Variants in ADARB2 observed in about 807,000 individuals in gnomAD.
The protein encoded by ADARB2 is adenosine deaminase RNA specific B2 (inactive).
Under a neutral mutation model 62.2 loss-of-function variants are expected in ADARB2, and 25 were observed. That is an observed-to-expected ratio of 0.40 (90% CI 0.29 to 0.56). The LOEUF is 0.56. ADARB2 is among the 20% of genes least tolerant of loss of function. The pLI is 0.43. For synonymous variants in ADARB2, 572 were observed against 500.8 expected (o/e 1.14, Z -1.90); for missense variants, 1,071 against 1,077.4 (o/e 0.99, Z 0.08).
rs181570887 is a variant in ADARB2 at position 1,422,288 on chromosome 10, G to A, written c.101-43128C>T. Among the ~76,000 whole-genome samples the A allele has an allele frequency of 2.7e-3, 417 of 152,344 alleles. 3 individuals are homozygous for A. Among genetic ancestry groups the A allele is most frequent in the Middle Eastern group, 0.027 (8 of 294 alleles). ...TCCTGGAAGACTTAATATAAGGTCA[G>A]GAGTTTTCAGTGCTCTGATTCGGTA... On this transcript the variant is annotated intron_variant, in intron 1 of 9. Transcript: ENST00000381312.
intron 2 of ADARB2, among the ~76,000 whole-genome samples, chr10:1,378,652 G>A (rs1329521721): frequency 6.6e-6 from 1 of 152,102 alleles, no homozygotes; most frequent in Non-Finnish European, 1.5e-5. Flanking sequence ...TGAGACTGCA[G>A]GTGTGGGTAA....
rs547148913 is a variant in ADARB2, at chr10:1,225,512, G to T, written c.1513+8182C>A. The stretch of plus-strand genomic sequence containing the variant: ...ATGCAGTTTCTTCCTAGCCTTGATG[G>T]TGTTTACAATTTGGCATGTTTTTGC... On this transcript the variant is annotated intron_variant, in intron 6 of 9. Coordinates refer to ENST00000381312, the MANE Select transcript of ADARB2 (RefSeq NM_018702.4). 6.7e-3 allele frequency among the ~76,000 whole-genome samples: 1,024 copies of T among 152,302 alleles called. 3 individuals carry two copies. The highest frequency in any genetic ancestry group is 0.011 in the Non-Finnish European group (765 of 68,026).
At chr10:1,217,156 G>A (rs1197472659) in intron 6 of ADARB2, 37 bp from the exon 7 acceptor site, 1 of 1,517,502 alleles carries the variant, frequency 6.6e-7, no homozygotes, top group East Asian at 2.5e-5. Flanking sequence ...TGAGAAGAGG[G>A]AAGCCGCCTT....
chr10:1,243,514 G>C (rs1378716210), intron 4 of ADARB2, among the ~76,000 whole-genome samples: 3 of 152,226 alleles, frequency 2.0e-5, no homozygotes, highest in African/African-American at 7.2e-5. Flanking sequence ...TTGTTCCTCT[G>C]ATGTGACTTT....
chr10:1,420,701 C>T (rs1032146556), intron 1 of ADARB2, among the ~76,000 whole-genome samples: 1 of 151,956 alleles, frequency 6.6e-6, no homozygotes, highest in South Asian at 2.1e-4. Context: ...GAGAGGGAGC[C>T]GCTGCCTGCC....
intron 3 of ADARB2, among the ~76,000 whole-genome samples, chr10:1,347,973 C>CGGAGACAGAGAGATACTGAGAGAG (rs1832096365): frequency 6.6e-6 from 1 of 151,250 alleles, no homozygotes; most frequent in Non-Finnish European, 1.5e-5. Flanking sequence ...CAGACAGAGA[C>CGGAGACAGAGAGATACTGAGAGAG]GGAGACAGAG....
intron 1 of ADARB2, among the ~76,000 whole-genome samples, chr10:1,715,814 G>T (rs956559574): frequency 2.0e-5 from 3 of 152,252 alleles, no homozygotes; most frequent in Non-Finnish European, 4.4e-5. Context: ...AGCACAGTTA[G>T]GCAATGGCCT....
rs191645134 is a variant in ADARB2 at position 1,623,112 on chromosome 10, C to T, written c.100+113939G>A. ...CATGATTCTATTTATACAAAATCTC[C>T]AAAAGAGGAAAATATTTAGAGATGG... On this transcript the variant is annotated intron_variant, in intron 1 of 9. Transcript: ENST00000381312. 4.9e-4 allele frequency among the ~76,000 whole-genome samples: 75 copies of T among 152,224 alleles called. 1 individual carries two copies. The highest frequency in any genetic ancestry group is 3.4e-3 in the Middle Eastern group (1 of 294).
intron 1 of ADARB2, among the ~76,000 whole-genome samples, chr10:1,649,687 G>T (rs1834087040): frequency 6.6e-6 from 1 of 152,202 alleles, no homozygotes; most frequent in South Asian, 2.1e-4. Flanking sequence ...ATGCCCCTGG[G>T]CCAGCCAGGG....
chr10:1,245,155 C>T (rs947831356), intron 4 of ADARB2, among the ~76,000 whole-genome samples: 3 of 151,942 alleles, frequency 2.0e-5, no homozygotes, highest in African/African-American at 7.3e-5. Flanking sequence ...TTAGGAAGCA[C>T]CCTCAGGAGT....
chr10:1,461,415 G>A (rs1197478992), intron 1 of ADARB2, among the ~76,000 whole-genome samples: 3 of 152,118 alleles, frequency 2.0e-5, no homozygotes, highest in Admixed American at 2.0e-4. Context: ...AATCTGACTC[G>A]TAATCCTTTT....
intron 1 of ADARB2, among the ~76,000 whole-genome samples, chr10:1,667,970 G>A (rs1224866692): frequency 6.6e-6 from 1 of 152,190 alleles, no homozygotes; most frequent in African/African-American, 2.4e-5. Context: ...GAGAACATTA[G>A]GTCACTTCTC....
chr10:1,575,813 G>A (rs941431260), intron 1 of ADARB2, among the ~76,000 whole-genome samples: 9 of 152,114 alleles, frequency 5.9e-5, no homozygotes, highest in East Asian at 5.8e-4. Flanking sequence ...TGCCAGGGTC[G>A]TTTCTGAATC....
At chr10:1,326,874 ACGGCACAGCGC>A in intron 3 of ADARB2, among the ~76,000 whole-genome samples, 1 of 61,730 alleles carries the variant, frequency 1.6e-5, no homozygotes, top group African/African-American at 7.4e-5. Flanking sequence ...GCGCCTCCCC[ACGGCACAGCGC>A]CTCCCCACTG....
chr10:1,444,062 C>T (rs1463723831), intron 1 of ADARB2, among the ~76,000 whole-genome samples: 1 of 151,004 alleles, frequency 6.6e-6, no homozygotes, highest in African/African-American at 2.4e-5. Flanking sequence ...TGCACCCACA[C>T]ACCACTCTAT....
chr10:1,534,093 T>C (rs933220703), intron 1 of ADARB2, among the ~76,000 whole-genome samples: 1 of 150,086 alleles, frequency 6.7e-6, no homozygotes. Flanking sequence ...AGACAAACAC[T>C]AGGGTTAAGA....
intron 1 of ADARB2, among the ~76,000 whole-genome samples, chr10:1,470,830 G>A (rs1213707158): frequency 1.3e-5 from 2 of 152,214 alleles, no homozygotes; most frequent in Non-Finnish European, 2.9e-5. Context: ...GGAGGCTGAG[G>A]CGGGTGGATC....
chr10:1,229,940 A>G (rs780776337), intron 6 of ADARB2, among the ~76,000 whole-genome samples: 22 of 152,140 alleles, frequency 1.4e-4, no homozygotes, highest in Non-Finnish European at 2.2e-4. Context: ...GCCACTGTGG[A>G]GATGCACAAT....
rs1484276344 is a variant in ADARB2, at chr10:1,293,070, G to A, written c.1078-22001C>T. 3.9e-5 allele frequency: 4 copies of A among 101,538 alleles called. 1 individual carries two copies. Among genetic ancestry groups the A allele is most frequent in the Non-Finnish European group, 7.7e-5 (4 of 52,208 alleles). 6.3% of individuals were successfully genotyped at this position (101,538 alleles called of 1,614,324 possible). On this transcript the variant is annotated intron_variant, in intron 3 of 9. Coordinates refer to ENST00000381312, the MANE Select transcript of ADARB2 (RefSeq NM_018702.4). ...CAGAGGGAGGGAGGGAAAGGGGGGA[G>A]AGGAGGGAGAGAAAGGGAGGAAAGG...
Sources: gnomAD v4.1 joint callset for allele counts (sites outside exome capture counted in the v4.1 genomes callset) on GRCh38, gnomAD v4.1.1 for gene constraint, MANE v1.5 for transcripts, NCBI Gene and HGNC (gene_info 2026-07-23, HGNC 2026-07-21) for gene names.